ENTREP2: variants seen among roughly 807,000 people sequenced by gnomAD.
ENTREP2 encodes endosomal transmembrane epsin interactor 2.
chr15:29,634,504 G>A, the ENTREP2 span, among the ~76,000 whole-genome samples: 1 of 152,162 alleles, frequency 6.6e-6, no homozygotes, highest in Non-Finnish European at 1.5e-5. Context: ...CAACACAGAA[G>A]ACTTCTATGG....
chr15:29,219,929 A>G, the ENTREP2 span, among the ~76,000 whole-genome samples: 198 of 151,954 alleles, frequency 1.3e-3, no homozygotes, highest in Non-Finnish European at 2.4e-3. Context: ...TGCTCTGGTG[A>G]TGGGTGCACC....
the ENTREP2 span, among the ~76,000 whole-genome samples, chr15:29,187,423 G>A: frequency 6.6e-6 from 1 of 152,036 alleles, no homozygotes; most frequent in Non-Finnish European, 1.5e-5. Flanking sequence ...TTACAGGCGT[G>A]TGCCACCACG....
At chr15:29,385,704 G>A in the ENTREP2 span, among the ~76,000 whole-genome samples, 1 of 152,258 alleles carries the variant, frequency 6.6e-6, no homozygotes, top group South Asian at 2.1e-4. Flanking sequence ...AGGAAATGCT[G>A]GGTAGAGAAG....
the ENTREP2 span, among the ~76,000 whole-genome samples, chr15:29,164,738 T>C: frequency 6.6e-6 from 1 of 152,130 alleles, no homozygotes; most frequent in African/African-American, 2.4e-5. Flanking sequence ...GTGGGGGACT[T>C]CAATACTCCA....
chr15:29,560,452 T>C, the ENTREP2 span, among the ~76,000 whole-genome samples: 97 of 152,192 alleles, frequency 6.4e-4, no homozygotes, highest in African/African-American at 2.1e-3. Flanking sequence ...CCCAGGAATG[T>C]CCTCCTGCTG....
At chr15:29,125,817 C>T in the ENTREP2 span, among the ~76,000 whole-genome samples, 8 of 152,164 alleles carry the variant, frequency 5.3e-5, no homozygotes, top group Non-Finnish European at 8.8e-5. Context: ...TCGCATGGGG[C>T]GATTTTTGAA....
At chr15:29,664,055 G>A in the ENTREP2 span, among the ~76,000 whole-genome samples, 1 of 151,876 alleles carries the variant, frequency 6.6e-6, no homozygotes, top group African/African-American at 2.4e-5. Context: ...TAGCATGGGG[G>A]TATGAAGCCT....
the ENTREP2 span, chr15:29,252,589 T>A: frequency 1.7e-6 from 1 of 586,560 alleles, no homozygotes. Flanking sequence ...ATCACATAAT[T>A]ACATGAATAA....
At chr15:29,547,128 C>A in the ENTREP2 span, among the ~76,000 whole-genome samples, 64,036 of 148,940 alleles carry the variant, frequency 0.43, 14,438 homozygotes, top group African/African-American at 0.58. Flanking sequence ...CGCTCTGTCA[C>A]CCAGGCTGGA....
At chr15:29,268,421 G>C in the ENTREP2 span, 1 of 218,910 alleles carries the variant, frequency 4.6e-6, no homozygotes, top group Non-Finnish European at 8.7e-6. Context: ...TTACAAACTG[G>C]GGTAGTTAGG....
the ENTREP2 span, among the ~76,000 whole-genome samples, chr15:29,626,645 C>T: frequency 2.0e-5 from 3 of 152,146 alleles, no homozygotes; most frequent in South Asian, 6.2e-4. Flanking sequence ...TTTATTTCTT[C>T]CTTTTTGAGC....
the ENTREP2 span, among the ~76,000 whole-genome samples, chr15:29,574,134 T>G: frequency 1.8e-3 from 272 of 152,334 alleles, 1 homozygote; most frequent in Middle Eastern, 0.014. Flanking sequence ...ATTGACTCTC[T>G]TTGATCTTCA....
chr15:29,222,823 G>C, the ENTREP2 span, among the ~76,000 whole-genome samples: 1 of 152,192 alleles, frequency 6.6e-6, no homozygotes. Context: ...GTTGGTATTT[G>C]TCCTTTCCTA....
At chr15:29,454,378 T>C in the ENTREP2 span, among the ~76,000 whole-genome samples, 1 of 152,192 alleles carries the variant, frequency 6.6e-6, no homozygotes, top group South Asian at 2.1e-4. Flanking sequence ...ATTCTGTTGA[T>C]GCTGTTTGAC....
chr15:29,320,043 A>G, the ENTREP2 span, among the ~76,000 whole-genome samples: 1 of 152,214 alleles, frequency 6.6e-6, no homozygotes, highest in Non-Finnish European at 1.5e-5. Flanking sequence ...CCAACACAGT[A>G]TTCCATCTGG....
the ENTREP2 span, among the ~76,000 whole-genome samples, chr15:29,351,041 T>C: frequency 1.3e-5 from 2 of 152,214 alleles, no homozygotes; most frequent in Non-Finnish European, 2.9e-5. Flanking sequence ...ATGACAAAGA[T>C]ACAATCTGAG....
At chr15:29,632,442 A>C in the ENTREP2 span, among the ~76,000 whole-genome samples, 1 of 152,048 alleles carries the variant, frequency 6.6e-6, no homozygotes, top group Non-Finnish European at 1.5e-5. Context: ...TTTTATTTTC[A>C]AATACAGAAA....
the ENTREP2 span, among the ~76,000 whole-genome samples, chr15:29,385,276 AT>A: frequency 6.6e-6 from 1 of 152,178 alleles, no homozygotes. Context: ...GGAAGTTAAT[AT>A]TGCTTTTATC....
At chr15:29,494,200 T>C in the ENTREP2 span, among the ~76,000 whole-genome samples, 3 of 114,076 alleles carry the variant, frequency 2.6e-5, no homozygotes, top group East Asian at 2.5e-4. Flanking sequence ...GGAAAGACTA[T>C]AGGAAAAAAA....
Sources: gnomAD v4.1 joint callset for allele counts (sites outside exome capture counted in the v4.1 genomes callset) on GRCh38, gnomAD v4.1.1 for gene constraint, MANE v1.5 for transcripts, NCBI Gene and HGNC (gene_info 2026-07-23, HGNC 2026-07-21) for gene names.